Variants in NIBAN1 observed in about 807,000 individuals in gnomAD.
The protein encoded by NIBAN1 is niban apoptosis regulator 1.
In NIBAN1, 81 loss-of-function variants were observed where a neutral mutation model predicts 75.1. That is an observed-to-expected ratio of 1.08 (90% confidence interval 0.90 to 1.30). The LOEUF is 1.30. Among genes scored for constraint, NIBAN1 ranks in the 50% most tolerant of loss-of-function variants. The pLI is 0.00. For synonymous variants in NIBAN1, 436 were observed against 424.8 expected, an observed-to-expected ratio of 1.03 and a Z score of -0.32; for missense variants, 1,133 against 1,128.1, an observed-to-expected ratio of 1.00 and a Z score of -0.06.
chr1:184,919,086 G>C (rs1008166414), intron 1 of NIBAN1, among the ~76,000 whole-genome samples: 6 of 152,078 alleles, frequency 3.9e-5, no homozygotes, highest in African/African-American at 7.2e-5. Context: ...TCCTTCATTA[G>C]AGAACCAGAA....
intron 10 of NIBAN1, among the ~76,000 whole-genome samples, chr1:184,806,875 T>C (rs1300668990): frequency 1.3e-5 from 2 of 149,922 alleles, no homozygotes; most frequent in African/African-American, 4.9e-5. Flanking sequence ...TTCAAGCGAG[T>C]CTCGTGCTTC....
chr1:184,973,903 C>T (rs1279296288), intron 1 of NIBAN1, among the ~76,000 whole-genome samples: 1 of 152,236 alleles, frequency 6.6e-6, no homozygotes, highest in Non-Finnish European at 1.5e-5. Flanking sequence ...GCCGGGAATC[C>T]CCAGGGGTAT....
In NIBAN1 at chr1:184,949,900, C is replaced by A. The variant is rs189124167; in HGVS notation, c.55+24402G>T. Among the ~76,000 whole-genome samples, 309 of 152,232 alleles carry A rather than the reference C, an allele frequency of 2.0e-3. 1 individual carries two copies. The highest frequency in any genetic ancestry group is 7.2e-3 in the African/African-American group (299 of 41,526). ...CTGGGTTGGGGTCCCTGCTCTGTCACAGACCAGCCATAGGTAAGGCTCTTG... is the reference window on the plus strand; with the variant it reads ...CTGGGTTGGGGTCCCTGCTCTGTCAAAGACCAGCCATAGGTAAGGCTCTTG... On this transcript the variant is annotated intron_variant, in intron 1 of 13. Transcript: ENST00000367511.
At chr1:184,900,980 A>C (rs1435264196) in intron 1 of NIBAN1, among the ~76,000 whole-genome samples, 2 of 152,246 alleles carry the variant, frequency 1.3e-5, no homozygotes, top group East Asian at 3.8e-4. Flanking sequence ...TAGAGCTATC[A>C]TGTGGGTTAA....
At position 184,890,213 on chromosome 1, in the gene NIBAN1, T is replaced by C; in HGVS notation, c.328A>G (p.Arg110Gly). The change falls in exon 4 of 14, where the codon AGA becomes GGA. Residue 110 changes from arginine (R) to glycine (G), a missense_variant. Physicochemically the swap from Arg to Gly is moderately radical, Grantham distance 125. Coordinates refer to ENST00000367511, the MANE Select transcript of NIBAN1 (RefSeq NM_052966.4). ...ESYENKEAYQ[R>G]GAAPKCRILP... ...ATTCGACATTTAGGAGCAGCTCCTCTCTGATAGGCCTGGGGAGGGAAAGGC... is the reference window on the plus strand; with the variant it reads ...ATTCGACATTTAGGAGCAGCTCCTCCCTGATAGGCCTGGGGAGGGAAAGGC... The C allele has an allele frequency of 6.2e-7, 1 of 1,613,272 alleles. No individual in the cohort carries two copies. Among genetic ancestry groups the C allele is most frequent in the Non-Finnish European group, 8.5e-7 (1 of 1,179,256 alleles).
At chr1:184,946,440 T>C (rs1277735282) in intron 1 of NIBAN1, among the ~76,000 whole-genome samples, 2 of 152,192 alleles carry the variant, frequency 1.3e-5, no homozygotes. Flanking sequence ...CTGGAAGAGT[T>C]GAATGGACAA....
intron 1 of NIBAN1, among the ~76,000 whole-genome samples, chr1:184,930,227 G>A (rs1213501760): frequency 2.0e-5 from 3 of 152,130 alleles, no homozygotes; most frequent in Non-Finnish European, 2.9e-5. Flanking sequence ...GATAGGGTAC[G>A]ACTCAAATCT....
At position 184,972,271 on chromosome 1, in the gene NIBAN1, G is replaced by A. The variant is rs568317622; in HGVS notation, c.55+2031C>T. On this transcript the variant is annotated intron_variant, in intron 1 of 13. Coordinates refer to ENST00000367511, the MANE Select transcript of NIBAN1 (RefSeq NM_052966.4). ...AAACTTTACTGTCATACTTCCAATC[G>A]TTTTGCTTACAATTGAATCAAAGCT... Among the ~76,000 whole-genome samples, 5 of 152,196 alleles carry A rather than the reference G, an allele frequency of 3.3e-5. No homozygotes were observed. In the East Asian group the frequency reaches 5.8e-4, roughly 18 times the overall value.
rs1045463632 is a variant in NIBAN1 at position 184,966,427 on chromosome 1, G to A, written c.55+7875C>T. Reference sequence around the variant, plus strand: ...CCAGCCACCAGCTGATCCACCAGATGCATGCATCCACAGGAATGACCACCA... The same window carrying A: ...CCAGCCACCAGCTGATCCACCAGATACATGCATCCACAGGAATGACCACCA... On this transcript the variant is annotated intron_variant, in intron 1 of 13. Transcript: ENST00000367511. Among the ~76,000 whole-genome samples the A allele has an allele frequency of 3.3e-5, 5 of 152,216 alleles. No individual in the cohort carries two copies. The East Asian group carries it at 9.6e-4, about 29-fold the overall frequency.
intron 1 of NIBAN1, among the ~76,000 whole-genome samples, chr1:184,955,480 A>C (rs911165357): frequency 7.2e-5 from 11 of 152,000 alleles, no homozygotes; most frequent in African/African-American, 2.7e-4. Flanking sequence ...CTGGGACTAC[A>C]GGTGCGCACC....
intron 5 of NIBAN1, among the ~76,000 whole-genome samples, chr1:184,855,548 TAATAC>T (rs1655655388): frequency 6.6e-6 from 1 of 152,184 alleles, no homozygotes; most frequent in Non-Finnish European, 1.5e-5. Context: ...TGTGCTTCTC[TAATAC>T]AATTTATTTT....
At chr1:184,960,405 C>T (rs796658254) in intron 1 of NIBAN1, among the ~76,000 whole-genome samples, 21 of 152,254 alleles carry the variant, frequency 1.4e-4, no homozygotes, top group African/African-American at 4.8e-4. Context: ...AAATACTTCT[C>T]TTATTTTCTA....
chr1:184,799,416 C>T lies in NIBAN1; in HGVS notation c.1555-1226G>A, dbSNP rs1042952900. Reference sequence around the variant, plus strand: ...CATAGTATTCCATGGTGTATATGTGCCACATTTTCTTAATCCAGTCTATCA... The same window carrying T: ...CATAGTATTCCATGGTGTATATGTGTCACATTTTCTTAATCCAGTCTATCA... On this transcript the variant is annotated intron_variant, in intron 12 of 13. Coordinates refer to ENST00000367511, the MANE Select transcript of NIBAN1 (RefSeq NM_052966.4). 6.7e-5 allele frequency among the ~76,000 whole-genome samples: 10 copies of T among 149,256 alleles called. No homozygotes were observed. In the South Asian group the frequency reaches 1.8e-3, roughly 27 times the overall value.
At chr1:184,900,380 G>C (rs145917494) in intron 1 of NIBAN1, among the ~76,000 whole-genome samples, 21 of 152,234 alleles carry the variant, frequency 1.4e-4, no homozygotes, top group South Asian at 4.1e-4. Context: ...GACTCTCAAG[G>C]CTCCAGAATC....
Position 184,885,151 on chromosome 1 carries a change from T to C in NIBAN1, c.434-351A>G, listed in dbSNP as rs111808829. Among the ~76,000 whole-genome samples the C allele has an allele frequency of 7.0e-3, 1,071 of 152,238 alleles. 11 individuals carry two copies. Among genetic ancestry groups the C allele is most frequent in the African/African-American group, 0.024 (1,011 of 41,544 alleles). ...GCAACCTCCACCTCCCAGATTCAAA[T>C]GATTCTCCTGCCTCAGCCTCCTGAG... On this transcript the variant is annotated intron_variant, in intron 4 of 13. Coordinates refer to ENST00000367511, the MANE Select transcript of NIBAN1 (RefSeq NM_052966.4).
chr1:184,863,646 AT>A (rs1419435558), intron 5 of NIBAN1, among the ~76,000 whole-genome samples: 1 of 152,114 alleles, frequency 6.6e-6, no homozygotes, highest in African/African-American at 2.4e-5. Context: ...ATATTTGAAG[AT>A]TTTTTTCCTC....
chr1:184,957,889 T>G (rs961386853), intron 1 of NIBAN1, among the ~76,000 whole-genome samples: 1 of 152,338 alleles, frequency 6.6e-6, no homozygotes, highest in African/African-American at 2.4e-5. Context: ...AATATTTTAT[T>G]TGATAATGAA....
chr1:184,947,472 G>C (rs1180461460), intron 1 of NIBAN1, among the ~76,000 whole-genome samples: 1 of 152,188 alleles, frequency 6.6e-6, no homozygotes, highest in Non-Finnish European at 1.5e-5. Flanking sequence ...AGTGGTGACG[G>C]TTATACAATA....
intron 1 of NIBAN1, among the ~76,000 whole-genome samples, chr1:184,911,441 G>A (rs927861527): frequency 2.6e-5 from 4 of 152,194 alleles, no homozygotes; most frequent in Non-Finnish European, 4.4e-5. Context: ...TATAGACCCA[G>A]CAGAGCTCTG....
Sources: gnomAD v4.1 joint callset for allele counts (sites outside exome capture counted in the v4.1 genomes callset) on GRCh38, gnomAD v4.1.1 for gene constraint, MANE v1.5 for transcripts, NCBI Gene and HGNC (gene_info 2026-07-23, HGNC 2026-07-21) for gene names.